Variants in MICAL2 observed in about 807,000 individuals in gnomAD.
MICAL2 encodes the protein microtubule associated monooxygenase, calponin and LIM domain containing 2.
In MICAL2, 77 loss-of-function variants were observed where a neutral mutation model predicts 127.3. The observed-to-expected ratio is 0.60, with a 90% CI of 0.50 to 0.73. The LOEUF is 0.73. Among genes scored for constraint, MICAL2 ranks in the 30% least tolerant of loss-of-function variants. The pLI is 0.00. For synonymous variants in MICAL2, 570 were observed against 551.1 expected (o/e 1.03, Z -0.48); for missense variants, 1,351 against 1,434.4 (o/e 0.94, Z 0.94).
At chr11:12,232,513 A>G (rs1858427331) in intron 15 of MICAL2, among the ~76,000 whole-genome samples, 1 of 152,186 alleles carries the variant, frequency 6.6e-6, no homozygotes, top group Non-Finnish European at 1.5e-5. Context: ...GCTTGAGGCC[A>G]GGAGTTCAAG....
intron 30 of MICAL2, among the ~76,000 whole-genome samples, chr11:12,320,714 T>C (rs979602858): frequency 6.6e-6 from 1 of 152,076 alleles, no homozygotes; most frequent in African/African-American, 2.4e-5. Context: ...ATTAGGAGAT[T>C]TGACATCATC....
At chr11:12,342,539 A>G (rs1003207089) in intron 32 of MICAL2, among the ~76,000 whole-genome samples, 2 of 152,230 alleles carry the variant, frequency 1.3e-5, no homozygotes, top group South Asian at 4.1e-4. Flanking sequence ...TCCATATTGA[A>G]CTATAGAACT....
At chr11:12,265,351 G>A (rs922343915), downstream of MICAL2, among the ~76,000 whole-genome samples, 1 of 151,892 alleles carries the variant, frequency 6.6e-6, no homozygotes, top group African/African-American at 2.4e-5. Flanking sequence ...CAGAGATATT[G>A]GATTAAAGAC....
intron 1 of MICAL2, among the ~76,000 whole-genome samples, chr11:12,123,306 C>T (rs1564989302): frequency 6.6e-6 from 1 of 152,138 alleles, no homozygotes; most frequent in African/African-American, 2.4e-5. Context: ...TTCTGAATCA[C>T]TTTTTGACTG....
intron 1 of MICAL2, among the ~76,000 whole-genome samples, chr11:12,114,839 C>T (rs1236849789): frequency 6.6e-6 from 1 of 152,186 alleles, no homozygotes; most frequent in African/African-American, 2.4e-5. Context: ...CCTCACTGTG[C>T]TGGTTTGTGG....
At chr11:12,235,907 TG>T (rs1858983321) in intron 15 of MICAL2, among the ~76,000 whole-genome samples, 1 of 152,232 alleles carries the variant, frequency 6.6e-6, no homozygotes, top group African/African-American at 2.4e-5. Flanking sequence ...GAAGATCTTT[TG>T]GGGTGTAATT....
intron 29 of MICAL2, among the ~76,000 whole-genome samples, chr11:12,305,756 T>C (rs1023698035): frequency 1.3e-5 from 2 of 152,322 alleles, no homozygotes; most frequent in East Asian, 3.9e-4. Flanking sequence ...TTCAAATCCA[T>C]GGACGTGATA....
intron 3 of MICAL2, among the ~76,000 whole-genome samples, chr11:12,198,339 G>A (rs1860213655): frequency 6.6e-6 from 1 of 152,186 alleles, no homozygotes. Flanking sequence ...ATTATAAGCA[G>A]GCAGTAAGTG....
At chr11:12,258,199 C>A (rs1862591215) in intron 24 of MICAL2, among the ~76,000 whole-genome samples, 2 of 152,174 alleles carry the variant, frequency 1.3e-5, no homozygotes, top group South Asian at 4.1e-4. Flanking sequence ...CCTACGGGAG[C>A]CGGCATGGTT....
intron 32 of MICAL2, among the ~76,000 whole-genome samples, chr11:12,345,001 A>G (rs1415466357): frequency 1.3e-5 from 2 of 151,460 alleles, no homozygotes; most frequent in African/African-American, 2.4e-5. Context: ...AGTCCCAGCT[A>G]CTCGGGAGGC....
chr11:12,358,400 A>G, exon 35 of MICAL2: 2 of 1,614,216 alleles, frequency 1.2e-6, no homozygotes, highest in South Asian at 2.2e-5. Flanking sequence ...TTAGAGGAAC[A>G]ACGCATCAGA....
At chr11:12,242,553 T>C in intron 19 of MICAL2, 118 bp from the exon 20 acceptor site, 2 of 1,427,404 alleles carry the variant, frequency 1.4e-6, no homozygotes, top group South Asian at 1.2e-5. Context: ...CTCATCCTGC[T>C]GTGTGTGGTG....
chr11:12,122,986 T>C (rs1379906181), intron 1 of MICAL2, among the ~76,000 whole-genome samples: 7 of 152,116 alleles, frequency 4.6e-5, no homozygotes, highest in Admixed American at 3.3e-4. Context: ...GTTCTTCCCC[T>C]TGGGTGCCAT....
intron 2 of MICAL2, among the ~76,000 whole-genome samples, chr11:12,283,332 A>G (rs188023840): frequency 7.5e-6 from 1 of 133,284 alleles, no homozygotes; most frequent in East Asian, 2.7e-4. Flanking sequence ...TCCTGGTTGC[A>G]GTGTGGAGTT....
chr11:12,228,892 C>T (rs1473506861), intron 15 of MICAL2, among the ~76,000 whole-genome samples: 1 of 152,064 alleles, frequency 6.6e-6, no homozygotes, highest in South Asian at 2.1e-4. Context: ...GAGAATAGGA[C>T]CAGAGTGAAG....
At chr11:12,222,802 G>A (rs1016442128) in intron 11 of MICAL2, 59 bp downstream of exon 11, 1 of 1,594,946 alleles carries the variant, frequency 6.3e-7, no homozygotes, top group African/African-American at 1.3e-5. Flanking sequence ...GGGAAGAGGT[G>A]GTGGGGAGGG....
intron 2 of MICAL2, among the ~76,000 whole-genome samples, chr11:12,285,927 G>A (rs1226777874): frequency 1.1e-5 from 1 of 87,528 alleles, no homozygotes; most frequent in African/African-American, 3.6e-5. Context: ...GGCCCTGCCT[G>A]TGTGCACATT....
At chr11:12,250,762 C>A (rs1225833833) in intron 22 of MICAL2, among the ~76,000 whole-genome samples, 1 of 152,210 alleles carries the variant, frequency 6.6e-6, no homozygotes, top group Non-Finnish European at 1.5e-5. Context: ...GGAACATGAT[C>A]ATCTTTGACC....
At chr11:12,117,690 T>G (rs1850150764) in intron 1 of MICAL2, among the ~76,000 whole-genome samples, 1 of 152,082 alleles carries the variant, frequency 6.6e-6, no homozygotes, top group South Asian at 2.1e-4. Flanking sequence ...AGGAGCAGAA[T>G]GGGGGTTGGG....
Sources: allele counts gnomAD v4.1 joint callset (sites outside exome capture counted in the v4.1 genomes callset), GRCh38; gene constraint gnomAD v4.1.1; transcripts MANE v1.5; gene names NCBI Gene and HGNC (gene_info 2026-07-23, HGNC 2026-07-21).